The following PTPRN2 variants were observed in gnomAD, a reference collection of about 807,000 sequenced individuals.
The protein encoded by PTPRN2 is receptor-type tyrosine-protein phosphatase N2.
PTPRN2 carries 74 observed loss-of-function variants against 118.8 expected under a neutral mutation model. That is an observed-to-expected ratio of 0.62 (90% confidence interval 0.52 to 0.76). The LOEUF (loss-of-function observed/expected upper bound fraction) is 0.76. Ranked by LOEUF, PTPRN2 falls within the 30% of genes least tolerant of loss-of-function variation. The pLI is 0.00. For missense variants in PTPRN2, 1,481 were observed against 1,394.4 expected (o/e 1.06, Z -0.99); for synonymous variants, 641 against 608.0 (o/e 1.05, Z -0.80).
intron 11 of PTPRN2, among the ~76,000 whole-genome samples, chr7:157,939,040 C>T (rs1799890244): frequency 6.6e-6 from 1 of 152,156 alleles, no homozygotes; most frequent in African/African-American, 2.4e-5. Flanking sequence ...GAATTACAGT[C>T]AGATAAAGTA....
Position 157,861,312 on chromosome 7 carries a change from G to A in PTPRN2, c.1788+37361C>T, listed in dbSNP as rs759803343. On this transcript the variant is annotated intron_variant, in intron 12 of 22. Transcript: ENST00000389418. This position sits in a 1 kb window ranked among gnomAD's most constrained non-coding sequence, Gnocchi z 5.8. The stretch of plus-strand genomic sequence containing the variant: ...GAATCCGTGGGAGGATGAGAGGCCT[G>A]GATTGCACCGGAAGCACCTCCGGCT... Among the ~76,000 whole-genome samples the A allele has an allele frequency of 1.3e-5, 2 of 152,254 alleles. No individual in the cohort carries two copies. The highest frequency in any genetic ancestry group is 2.9e-5 in the Non-Finnish European group (2 of 68,036).
chr7:157,750,497 G>A (rs1232533011), intron 12 of PTPRN2, among the ~76,000 whole-genome samples: 1 of 152,236 alleles, frequency 6.6e-6, no homozygotes, highest in Non-Finnish European at 1.5e-5. Flanking sequence ...GAGGCAGGAA[G>A]TGGCAGGTAA....
rs892624021 is a variant in PTPRN2, at chr7:158,278,770, T to C, written c.277+38049A>G. On this transcript the variant is annotated intron_variant, in intron 3 of 22. Coordinates refer to ENST00000389418, the MANE Select transcript of PTPRN2 (RefSeq NM_002847.5). The stretch of plus-strand genomic sequence containing the variant: ...TTCATGGTCTCCCTGACTTCAGGAG[T>C]GAAGCTGCAGACCTTTGCAGTGGGT... 4.6e-5 allele frequency among the ~76,000 whole-genome samples: 7 copies of C among 152,238 alleles called. No individual in the cohort carries two copies. The East Asian group carries it at 1.2e-3, about 25-fold the overall frequency.
chr7:157,634,865 G>A (rs1804211759), intron 14 of PTPRN2, among the ~76,000 whole-genome samples: 1 of 152,252 alleles, frequency 6.6e-6, no homozygotes, highest in African/African-American at 2.4e-5. Flanking sequence ...CTGCACATCT[G>A]CAGTGGACGT....
chr7:158,171,630 C>T lies in PTPRN2; in HGVS notation c.550-4339G>A, dbSNP rs188379054. Among the ~76,000 whole-genome samples, 781 of 152,118 alleles carry T rather than the reference C, an allele frequency of 5.1e-3. 4 individuals are homozygous for T. Among genetic ancestry groups the T allele is most frequent in the Admixed American group, 7.5e-3 (115 of 15,264 alleles). On this transcript the variant is annotated intron_variant, in intron 5 of 22. Transcript: ENST00000389418. ...CCTCCCAAAGTGCTGGGATTACAAGCGTGAGCCACCATGCCCAGCCTATAC... is the reference window on the plus strand; with the variant it reads ...CCTCCCAAAGTGCTGGGATTACAAGTGTGAGCCACCATGCCCAGCCTATAC...
At chr7:158,112,329 G>C (rs1816351103) in intron 9 of PTPRN2, among the ~76,000 whole-genome samples, 1 of 152,216 alleles carries the variant, frequency 6.6e-6, no homozygotes, top group Non-Finnish European at 1.5e-5. Flanking sequence ...TTTGAACAGA[G>C]GTGAAGGAGC....
At chr7:158,253,416 G>A (rs549119269) in intron 3 of PTPRN2, among the ~76,000 whole-genome samples, 84 of 152,318 alleles carry the variant, frequency 5.5e-4, no homozygotes, top group African/African-American at 1.8e-3. Flanking sequence ...GCTGCATTTC[G>A]TAGAAAGGAG....
rs28362008 is a variant in PTPRN2, at chr7:158,377,678, G to A, written c.164-60746C>T. ...ATGGAGTTCACAGGAAACCGGCATC[G>A]GTGGTTTATCACAGCTTTACGCACG... is the stretch of plus-strand genomic sequence containing the variant. On this transcript the variant is annotated intron_variant, in intron 2 of 22. Coordinates refer to ENST00000389418, the MANE Select transcript of PTPRN2 (RefSeq NM_002847.5). Among the ~76,000 whole-genome samples, 1,478 of 152,304 alleles carry A rather than the reference G, an allele frequency of 9.7e-3. 15 individuals are homozygous for A. The highest frequency in any genetic ancestry group is 0.033 in the African/African-American group (1,388 of 41,548).
At chr7:158,417,896 AC>A (rs1475329856) in intron 2 of PTPRN2, among the ~76,000 whole-genome samples, 58 of 146,214 alleles carry the variant, frequency 4.0e-4, no homozygotes, top group Admixed American at 1.4e-3. Flanking sequence ...GTCATGGTGT[AC>A]TACATCGAGA....
intron 12 of PTPRN2, among the ~76,000 whole-genome samples, chr7:157,725,685 G>C (rs1362804490): frequency 1.0e-5 from 1 of 96,046 alleles, no homozygotes; most frequent in Non-Finnish European, 2.0e-5. Flanking sequence ...CCAGACCCTC[G>C]CCTCCCAGGA....
rs114386694 is a variant in PTPRN2 at position 157,957,714 on chromosome 7, G to A, written c.1724-58977C>T. Reference sequence around the variant, plus strand: ...CTGAGTCATGAAGAACTAGAAAACCGACCCCACCAGGAGTGAGTAAGGAGA... The same window carrying A: ...CTGAGTCATGAAGAACTAGAAAACCAACCCCACCAGGAGTGAGTAAGGAGA... On this transcript the variant is annotated intron_variant, in intron 11 of 22. Coordinates refer to ENST00000389418, the MANE Select transcript of PTPRN2 (RefSeq NM_002847.5). Among the ~76,000 whole-genome samples, 246 of 152,130 alleles carry A rather than the reference G, an allele frequency of 1.6e-3. 1 individual carries two copies. The highest frequency in any genetic ancestry group is 5.6e-3 in the African/African-American group (232 of 41,514).
At chr7:158,131,742 TAC>T (rs956782371) in intron 9 of PTPRN2, among the ~76,000 whole-genome samples, 2 of 80,422 alleles carry the variant, frequency 2.5e-5, no homozygotes, top group African/African-American at 9.7e-5. Flanking sequence ...AACACACTCA[TAC>T]ACACACATGC....
chr7:157,860,943 C>T (rs1456951262), intron 12 of PTPRN2, among the ~76,000 whole-genome samples: 2 of 152,222 alleles, frequency 1.3e-5, no homozygotes, highest in Non-Finnish European at 2.9e-5. Context: ...GAGTCCAGAA[C>T]AGGCACAGAT....
At chr7:158,249,806 C>G (rs1244735204) in intron 3 of PTPRN2, among the ~76,000 whole-genome samples, 1 of 152,256 alleles carries the variant, frequency 6.6e-6, no homozygotes, top group African/African-American at 2.4e-5. Context: ...ATAACTTTGA[C>G]AGACATGCAC....
intron 9 of PTPRN2, among the ~76,000 whole-genome samples, chr7:158,114,504 C>T (rs1425497645): frequency 1.3e-5 from 2 of 152,222 alleles, no homozygotes; most frequent in Non-Finnish European, 2.9e-5. Context: ...GGAAGACGTG[C>T]CGCGGGAATG....
chr7:157,918,643 G>A (rs750468852), intron 11 of PTPRN2, among the ~76,000 whole-genome samples: 1 of 152,172 alleles, frequency 6.6e-6, no homozygotes, highest in Non-Finnish European at 1.5e-5. Context: ...GAGAGAAGGC[G>A]TCATGGCGTC....
chr7:158,110,581 AGCACCAAAGGTTT>A (rs1262615475), intron 10 of PTPRN2, among the ~76,000 whole-genome samples: 1 of 152,208 alleles, frequency 6.6e-6, no homozygotes, highest in East Asian at 1.9e-4. Flanking sequence ...CGGTGGTTAC[AGCACCAAAGGTTT>A]GACACTTGGC....
chr7:158,387,577 A>AAGCACTCTCTGGGTCCTGGGG (rs1586542379), intron 2 of PTPRN2, among the ~76,000 whole-genome samples: 1 of 151,184 alleles, frequency 6.6e-6, no homozygotes, highest in South Asian at 2.1e-4. Context: ...CTGTCAGCTC[A>AAGCACTCTCTGGGTCCTGGGG]GCTTGGCCCG....
intron 11 of PTPRN2, among the ~76,000 whole-genome samples, chr7:157,951,826 G>A (rs970385859): frequency 3.3e-5 from 5 of 152,220 alleles, no homozygotes; most frequent in African/African-American, 1.2e-4. Flanking sequence ...TGGGGCCTGA[G>A]TCCGGCAGTG....
Sources: allele counts gnomAD v4.1 joint callset (sites outside exome capture counted in the v4.1 genomes callset), GRCh38; gene constraint gnomAD v4.1.1; non-coding constraint Gnocchi (gnomAD v3.1); transcripts MANE v1.5; gene names NCBI Gene and HGNC (gene_info 2026-07-23, HGNC 2026-07-21).